SPATA7: variants seen among roughly 807,000 people sequenced by gnomAD.
The protein encoded by SPATA7 is spermatogenesis associated 7, also known as spermatogenesis-associated protein 7.
Under a neutral mutation model 51.8 loss-of-function variants are expected in SPATA7, and 43 were observed. That is an observed-to-expected ratio of 0.83 (90% CI 0.65 to 1.07). The LOEUF (loss-of-function observed/expected upper bound fraction) is 1.07, where lower values mean the gene tolerates loss of function less well. Among genes scored for constraint, SPATA7 ranks in the 50% least tolerant of loss-of-function variants. The pLI, the probability that SPATA7 is intolerant of heterozygous loss-of-function variation, is 0.00. For synonymous variants in SPATA7, 230 were observed against 252.8 expected (o/e 0.91, Z 0.86); for missense variants, 683 against 701.3 (o/e 0.97, Z 0.30).
At position 88,460,817 on chromosome 14, in the gene SPATA7, C is replaced by T. The variant is rs144838847; in HGVS notation, c.255-9030C>T. ...TTAGAATTTTCAGCTTTTCTGCTCT[C>T]TTTTTTCCCCATCTTTGTGGTTTTA... On this transcript the variant is annotated intron_variant, in intron 4 of 4. Transcript: ENST00000556406. Among the ~76,000 whole-genome samples, 159 of 151,814 alleles carry T rather than the reference C, an allele frequency of 1.0e-3. 1 individual carries two copies. The East Asian group carries it at 0.023, about 22-fold the overall frequency.
chr14:88,420,241 C>T (rs946648350), intron 5 of SPATA7, among the ~76,000 whole-genome samples: 4 of 152,122 alleles, frequency 2.6e-5, no homozygotes, highest in African/African-American at 7.2e-5. Flanking sequence ...ACAAACTCCC[C>T]AAGTCCTCAG....
rs757315581 is a variant in SPATA7, at chr14:88,468,333, C to T, written c.255-1514C>T. On this transcript the variant is annotated intron_variant, in intron 4 of 4. Coordinates refer to the SPATA7 transcript ENST00000556406. ...GGGAGACAGAAAGGATGGGAGGACACGAGTGTCCTGGCAGAAACCTGGTTG... is the reference window on the plus strand; with the variant it reads ...GGGAGACAGAAAGGATGGGAGGACATGAGTGTCCTGGCAGAAACCTGGTTG... 3.1e-5 allele frequency: 44 copies of T among 1,441,664 alleles called. No homozygotes were observed. In the East Asian group the frequency reaches 5.5e-4, roughly 18 times the overall value. The allele number at this position is 1,441,664 out of a possible 1,614,324, so 89.3% of individuals were successfully genotyped here.
chr14:88,443,600 T>A (rs1173523762), intron 3 of SPATA7, among the ~76,000 whole-genome samples: 2 of 152,116 alleles, frequency 1.3e-5, no homozygotes, highest in Admixed American at 1.3e-4. Flanking sequence ...TCATCTAGCA[T>A]TAGGTATATC....
downstream of SPATA7, among the ~76,000 whole-genome samples, chr14:88,443,067 C>T (rs998098011): frequency 6.6e-6 from 1 of 151,932 alleles, no homozygotes; most frequent in Non-Finnish European, 1.5e-5. Context: ...GCCTCAGCCT[C>T]CCAAGTAGCT....
In SPATA7 at chr14:88,468,180, T is replaced by A. The variant is rs764571520; in HGVS notation, c.255-1667T>A. 10 of 1,613,626 alleles carry A rather than the reference T, an allele frequency of 6.2e-6. No homozygotes were observed. In the East Asian group the frequency reaches 2.2e-4, roughly 36 times the overall value. On this transcript the variant is annotated intron_variant, in intron 4 of 4. Coordinates refer to the SPATA7 transcript ENST00000556406. ...TTTCAGGAACTGGATGAGGACTCTGTACACAAATGTGTACTGGCAGAGAGT... is the reference window on the plus strand; with the variant it reads ...TTTCAGGAACTGGATGAGGACTCTGAACACAAATGTGTACTGGCAGAGAGT...
chr14:88,468,851 T>C, intron 4 of SPATA7: 1 of 1,600,026 alleles, frequency 6.2e-7, no homozygotes, highest in Non-Finnish European at 8.6e-7. Flanking sequence ...ATTAAGTCAC[T>C]ATGTCCCTCT....
At chr14:88,445,886 G>T (rs1340838478) in intron 3 of SPATA7, among the ~76,000 whole-genome samples, 1 of 152,104 alleles carries the variant, frequency 6.6e-6, no homozygotes, top group Non-Finnish European at 1.5e-5. Context: ...GATTCGGTTT[G>T]CCAGTATTTT....
chr14:88,411,838 A>G (rs938529825), intron 4 of SPATA7, among the ~76,000 whole-genome samples: 5 of 151,504 alleles, frequency 3.3e-5, no homozygotes, highest in South Asian at 2.1e-4. Flanking sequence ...TCTTTTTGGT[A>G]GAATGATTTT....
At position 88,416,730 on chromosome 14, in the gene SPATA7, A is replaced by G. The variant is rs754516908; in HGVS notation, c.258A>G (p.Arg86=). The G allele has an allele frequency of 2.5e-6, 4 of 1,613,364 alleles. No homozygotes were observed. Among genetic ancestry groups the G allele is most frequent in the Non-Finnish European group, 3.4e-6 (4 of 1,179,732 alleles). The change falls in exon 5 of 12, where the codon AGA becomes AGG. Residue 86 remains arginine (R), a synonymous_variant. Transcript: ENST00000393545. ...TTTTAGATGCAGACCAACAACGAAG[A>G]GAGAAACTCAAAAAGGAATTAGCAC... ...TSIKYADQQR[R]EKLKKELAQC...
At chr14:88,447,670 G>A (rs972456874) in intron 3 of SPATA7, among the ~76,000 whole-genome samples, 3 of 151,464 alleles carry the variant, frequency 2.0e-5, no homozygotes, top group African/African-American at 4.9e-5. Flanking sequence ...GCTCTTTTAG[G>A]GCAGGCCTGG....
intron 5 of SPATA7, among the ~76,000 whole-genome samples, chr14:88,421,381 A>G (rs938404874): frequency 2.6e-5 from 4 of 152,146 alleles, no homozygotes; most frequent in Non-Finnish European, 5.9e-5. Flanking sequence ...TTTAAAAAAA[A>G]CTATGGACTG....
At chr14:88,444,296 C>T (rs2077197232) in intron 3 of SPATA7, among the ~76,000 whole-genome samples, 1 of 152,128 alleles carries the variant, frequency 6.6e-6, no homozygotes, top group Admixed American at 6.6e-5. Context: ...TGAGAAGTGT[C>T]TGTTCATGTC....
chr14:88,468,354 G>T, intron 4 of SPATA7: 1 of 1,314,722 alleles, frequency 7.6e-7, no homozygotes, highest in South Asian at 1.5e-5. Context: ...GCAGAAACCT[G>T]GTTGGGAGAT....
chr14:88,453,912 C>A (rs1261671878), intron 3 of SPATA7, among the ~76,000 whole-genome samples: 1 of 152,062 alleles, frequency 6.6e-6, no homozygotes, highest in Non-Finnish European at 1.5e-5. Flanking sequence ...AGTTTTGCAC[C>A]AAGGCTAAGC....
chr14:88,435,839 C>G (rs2077072315), intron 10 of SPATA7, among the ~76,000 whole-genome samples: 1 of 152,122 alleles, frequency 6.6e-6, no homozygotes, highest in Non-Finnish European at 1.5e-5. Context: ...TTAATGGACA[C>G]TTAGTTGCTT....
At chr14:88,458,612 CTCTTT>C (rs759898077), downstream of SPATA7, among the ~76,000 whole-genome samples, 35 of 152,200 alleles carry the variant, frequency 2.3e-4, no homozygotes, top group Non-Finnish European at 4.1e-4. Context: ...TGATTCTCCC[CTCTTT>C]TCTTCTTTAT....
chr14:88,465,429 T>C (rs1330993245), intron 4 of SPATA7, among the ~76,000 whole-genome samples: 1 of 152,180 alleles, frequency 6.6e-6, no homozygotes, highest in South Asian at 2.1e-4. Flanking sequence ...ATCATGCCAC[T>C]GCACTGTAGC....
chr14:88,402,934 G>T (rs1218483074), intron 4 of SPATA7, among the ~76,000 whole-genome samples: 1 of 88,146 alleles, frequency 1.1e-5, no homozygotes, highest in Non-Finnish European at 2.3e-5. Context: ...TCCCAACTGT[G>T]TAAGTAATAA....
chr14:88,420,342 G>A (rs1256620782), intron 5 of SPATA7, among the ~76,000 whole-genome samples: 1 of 152,174 alleles, frequency 6.6e-6, no homozygotes, highest in East Asian at 1.9e-4. Context: ...AATTTATGTG[G>A]CATTCCATGG....
Sources: gnomAD v4.1 joint callset for allele counts (sites outside exome capture counted in the v4.1 genomes callset) on GRCh38, gnomAD v4.1.1 for gene constraint, MANE v1.5 for transcripts, NCBI Gene and HGNC (gene_info 2026-07-23, HGNC 2026-07-21) for gene names.